The following NLRP9 variants were observed in gnomAD, a reference collection of about 807,000 sequenced individuals.
NLRP9 encodes the protein NACHT, LRR and PYD domains-containing protein 9.
A neutral mutation model predicts 83.1 loss-of-function variants in NLRP9; 88 were observed. The ratio of observed to expected loss-of-function variants is 1.06; its 90% CI spans 0.89 to 1.26. The LOEUF is 1.26. NLRP9 is among the 50% of genes most tolerant of loss of function. The pLI is 0.00. For synonymous variants in NLRP9, 521 were observed against 447.6 expected (o/e 1.16, Z -2.07); for missense variants, 1,308 against 1,179.3 (o/e 1.11, Z -1.60).
At chr19:55,718,976 C>G (rs1273156620) in intron 4 of NLRP9, among the ~76,000 whole-genome samples, 1 of 152,192 alleles carries the variant, frequency 6.6e-6, no homozygotes, top group African/African-American at 2.4e-5. Flanking sequence ...GAGTCAGATC[C>G]CAGCTGCACA....
chr19:55,729,797 A>C, intron 3 of NLRP9, 34 bp downstream of exon 3: 2 of 1,569,820 alleles, frequency 1.3e-6, no homozygotes, highest in Non-Finnish European at 1.7e-6. Context: ...AAACTCTGCC[A>C]TTTGCTTAAA....
In NLRP9 at chr19:55,715,035, C is replaced by A. The variant is rs369327772; in HGVS notation, c.2501+20G>T. On this transcript the variant is annotated intron_variant, in intron 6 of 8. Coordinates refer to ENST00000332836, the MANE Select transcript of NLRP9 (RefSeq NM_176820.4). ...AAAAAAAGAAACCCTGACATTGAAG[C>A]AAATCATGGCCGGTCCTACCACAGC... 1 of 1,583,838 alleles carries A rather than the reference C, an allele frequency of 6.3e-7. No individual in the cohort carries two copies. Among genetic ancestry groups the A allele is most frequent in the Non-Finnish European group, 8.6e-7 (1 of 1,166,626 alleles).
intron 4 of NLRP9, 129 bp from the exon 5 acceptor site, chr19:55,717,027 C>A: frequency 9.9e-6 from 5 of 504,810 alleles, no homozygotes; most frequent in Non-Finnish European, 1.7e-5. Flanking sequence ...ACTACAGACT[C>A]TTTTTCTTTT....
intron 4 of NLRP9, among the ~76,000 whole-genome samples, chr19:55,718,309 C>T (rs1398599798): frequency 6.6e-6 from 1 of 152,144 alleles, no homozygotes; most frequent in Admixed American, 6.5e-5. Context: ...AACCCGACAC[C>T]CGTAAAGGGT....
In NLRP9 at chr19:55,732,112, A is replaced by T; in HGVS notation, c.1719T>A (p.Gly573=). 6.2e-7 allele frequency: 1 copy of T among 1,612,590 alleles called. No individual in the cohort carries two copies. The highest frequency in any genetic ancestry group is 8.5e-7 in the Non-Finnish European group (1 of 1,179,386). ...NFFEEVFIYI[G]NIEHLVIASF... ...AAGCTATTACCAAATGTTCTATGTT[A>T]CCAATATAAATGAAAACTTCTTCAA... Residue 573 remains glycine (G), a synonymous_variant, in exon 2 of 9, where the codon GGT becomes GGA. Coordinates refer to ENST00000332836, the MANE Select transcript of NLRP9 (RefSeq NM_176820.4).
intron 4 of NLRP9, among the ~76,000 whole-genome samples, chr19:55,723,727 CAAAAAAAAAA>C (rs10711721): frequency 2.5e-5 from 2 of 79,828 alleles, no homozygotes; most frequent in African/African-American, 8.7e-5. Flanking sequence ...GACCCTGTCT[CAAAAAAAAAA>C]AAAAAAAAAA....
At position 55,738,249 on chromosome 19, in the gene NLRP9, G is replaced by C. The variant is rs80009430; in HGVS notation, c.126C>G (p.Ile42Met). 0.012 allele frequency: 19,058 copies of C among 1,614,038 alleles called. 713 individuals carry two copies. In the East Asian group the frequency reaches 0.16, roughly 14 times the overall value. ...QPLEKFELKP[I>M]PWAELKKASK... ...AGGCCTTCTTCAGCTCAGCCCAGGG[G>C]ATTGGCTTGAGTTCAAATTTCTCCA... Residue 42 changes from isoleucine to methionine, a missense_variant, in exon 1 of 9, where the codon ATC becomes ATG. By Grantham distance (10) the Ile-to-Met change is conservative. Transcript: ENST00000332836.
chr19:55,720,667 G>A (rs914165081), intron 4 of NLRP9, among the ~76,000 whole-genome samples: 3 of 152,068 alleles, frequency 2.0e-5, no homozygotes, highest in Admixed American at 6.5e-5. Flanking sequence ...AGCTGAACAC[G>A]AAAAGACACA....
At position 55,709,064 on chromosome 19, in the gene NLRP9, GTT is replaced by G. The variant is rs754619841; in HGVS notation, c.2844-22_2844-21del. The G allele has an allele frequency of 1.3e-5, 16 of 1,260,618 alleles. No homozygotes were observed. The highest frequency in any genetic ancestry group is 8.8e-5 in the East Asian group (3 of 34,050). 78.1% of individuals were successfully genotyped at this position (1,260,618 alleles called of 1,614,324 possible). ...TGCAGCCTGGGAAAATAGAAATAAA[GTT>G]TTTTTTTTTGTTTTTCATTTTTACA... On this transcript the variant is annotated intron_variant, in intron 8 of 8. Coordinates refer to ENST00000332836, the MANE Select transcript of NLRP9 (RefSeq NM_176820.4).
intron 8 of NLRP9, among the ~76,000 whole-genome samples, chr19:55,711,015 G>A (rs1183287598): frequency 6.6e-6 from 1 of 151,900 alleles, no homozygotes; most frequent in Non-Finnish European, 1.5e-5. Context: ...GAGCCCGGGA[G>A]GCAGGGGTTG....
At position 55,733,431 on chromosome 19, in the gene NLRP9, C is replaced by A. The variant is rs748136376; in HGVS notation, c.400G>T (p.Glu134Ter). The A allele has an allele frequency of 6.2e-7, 1 of 1,613,892 alleles. No individual in the cohort carries two copies. Residue 134 changes from glutamate to a stop codon, truncating the protein, a stop_gained, in exon 2 of 9, where the codon GAA becomes TAA. Transcript: ENST00000332836. LOFTEE classifies it high-confidence loss of function. ...YKETMKNEYK[E>*]LNDAYTAAAR... Reference sequence around the variant, plus strand: ...GCAGCAGTATATGCGTCATTCAATTCTTTATACTCATTTTTCATGGTTTCT... The same window carrying A: ...GCAGCAGTATATGCGTCATTCAATTATTTATACTCATTTTTCATGGTTTCT...
chr19:55,710,950 G>A (rs1052913185), intron 8 of NLRP9, among the ~76,000 whole-genome samples: 9 of 152,054 alleles, frequency 5.9e-5, no homozygotes, highest in Admixed American at 5.9e-4. Context: ...GCTGAGCATG[G>A]TGGTGAGTGC....
rs769886404 is a variant in NLRP9 at position 55,715,071 on chromosome 19, T to G, written c.2485A>C (p.Ser829Arg). 2 of 1,611,680 alleles carry G rather than the reference T, an allele frequency of 1.2e-6. No individual in the cohort carries two copies. Among genetic ancestry groups the G allele is most frequent in the South Asian group, 2.2e-5 (2 of 90,808 alleles). Residue 829 changes from serine to arginine, a missense_variant, in exon 6 of 9, where the codon AGC (serine) becomes CGC (arginine). Ser to Arg is a moderately radical substitution (Grantham distance 110). Transcript: ENST00000332836. ...LCAALKHPGC[S>R]IRELWLMGCF... is the part of the protein sequence containing the mutation. ...CGGTCCTACCACAGCTCCCGTATGC[T>G]GCAGCCTGGGTGCTTCAGCGCTGCA... is the stretch of plus-strand genomic sequence containing the variant.
chr19:55,709,195 T>C, intron 8 of NLRP9, 151 bp from the exon 9 acceptor site: 1 of 527,090 alleles, frequency 1.9e-6, no homozygotes. Flanking sequence ...CAAGCATGAA[T>C]CTTTCCTATA....
At chr19:55,734,156 C>T (rs2122337328) in intron 1 of NLRP9, among the ~76,000 whole-genome samples, 1 of 151,742 alleles carries the variant, frequency 6.6e-6, no homozygotes, top group Non-Finnish European at 1.5e-5. Flanking sequence ...ATCTCCTGAC[C>T]TCATGATCCA....
intron 4 of NLRP9, among the ~76,000 whole-genome samples, chr19:55,721,237 T>C (rs192371001): frequency 1.3e-5 from 2 of 152,356 alleles, no homozygotes; most frequent in East Asian, 3.9e-4. Flanking sequence ...GTGATTGGTA[T>C]ATGGGACTTC....
chr19:55,711,470 A>C, intron 8 of NLRP9: 1 of 1,318,962 alleles, frequency 7.6e-7, no homozygotes, highest in South Asian at 1.2e-5. Flanking sequence ...ATTTATGGGC[A>C]ACGTAAGTAG....
rs1238112490 is a variant in NLRP9, at chr19:55,738,302, TC to T, written c.72del (p.Trp24Ter). On this transcript the variant is annotated frameshift_variant, in exon 1 of 9. Transcript: ENST00000332836. LOFTEE classifies it high-confidence loss of function. Reference sequence around the variant, plus strand: ...GGTTGTTTGAGGAGCTCCTTAAATTTCCAAAACTCTTCCTTTCTGAGCTCCT... The same window carrying T: ...GGTTGTTTGAGGAGCTCCTTAAATTTCAAAACTCTTCCTTTCTGAGCTCCT... Reference protein sequence around the residue: ...YLKELRKEEFWKFKELLKQPL... With the variant: ...YLKELRKEEFXKFKELLKQPL... The T allele has an allele frequency of 1.2e-6, 2 of 1,614,040 alleles. No individual in the cohort carries two copies. Among genetic ancestry groups the T allele is most frequent in the East Asian group, 4.5e-5 (2 of 44,886 alleles).
At chr19:55,730,611 C>T (rs1988543918) in intron 2 of NLRP9, among the ~76,000 whole-genome samples, 1 of 152,140 alleles carries the variant, frequency 6.6e-6, no homozygotes, top group Non-Finnish European at 1.5e-5. Context: ...TTTGCAAGGA[C>T]ATGGATGGAG....
Sources: allele counts gnomAD v4.1 joint callset (sites outside exome capture counted in the v4.1 genomes callset), GRCh38; gene constraint gnomAD v4.1.1; transcripts MANE v1.5; gene names NCBI Gene and HGNC (gene_info 2026-07-23, HGNC 2026-07-21).